The following RBM18 variants were observed in gnomAD, a reference collection of about 807,000 sequenced individuals.
The protein encoded by RBM18 is RNA binding motif protein 18.
A neutral mutation model predicts 26.4 loss-of-function variants in RBM18; 18 were observed. The ratio of observed to expected loss-of-function variants is 0.68; its 90% CI spans 0.47 to 1.01. The LOEUF is 1.01. RBM18 is among the 50% of genes least tolerant of loss of function. The pLI is 0.00. For missense variants in RBM18, 180 were observed against 219.2 expected (o/e 0.82, Z 1.13); for synonymous variants, 74 against 81.1 (o/e 0.91, Z 0.47).
chr9:122,248,933 G>A (rs573779963), intron 3 of RBM18, among the ~76,000 whole-genome samples: 1 of 152,260 alleles, frequency 6.6e-6, no homozygotes, highest in African/African-American at 2.4e-5. Context: ...TTCTCACTGT[G>A]TAGTAGGCAT....
intron 2 of RBM18, among the ~76,000 whole-genome samples, chr9:122,261,035 T>C (rs548270823): frequency 7.5e-4 from 114 of 152,186 alleles, no homozygotes; most frequent in Non-Finnish European, 1.3e-3. Flanking sequence ...CTTGTTCCTT[T>C]ATTCTGGGTA....
Position 122,258,673 on chromosome 9 carries a change from C to T in RBM18, c.113+2707G>A, listed in dbSNP as rs546964264. 3.9e-5 allele frequency among the ~76,000 whole-genome samples: 6 copies of T among 152,234 alleles called. No homozygotes were observed. The South Asian group carries it at 1.0e-3, about 26-fold the overall frequency. On this transcript the variant is annotated intron_variant, in intron 2 of 5. Coordinates refer to ENST00000417201, the MANE Select transcript of RBM18 (RefSeq NM_033117.4). ...TCCATAGGATGGCCAGGCATAGTGGCTCACGCCTGTAATCCCAACACTTTG... is the reference window on the plus strand; with the variant it reads ...TCCATAGGATGGCCAGGCATAGTGGTTCACGCCTGTAATCCCAACACTTTG...
chr9:122,240,445 G>A lies in RBM18; in HGVS notation c.*1439C>T, dbSNP rs143480948. On this transcript the variant is annotated 3_prime_UTR_variant, in exon 6 of 6. Transcript: ENST00000417201. ...ATGAATTCTAAAACCTCCCTCTACT[G>A]AAGTTTTGATTCAAATGTCTTAAAT... is the stretch of plus-strand genomic sequence containing the variant. The A allele has an allele frequency of 6.9e-4, 105 of 152,304 alleles. No individual in the cohort carries two copies. The highest frequency in any genetic ancestry group is 2.4e-3 in the African/African-American group (98 of 41,568). 9.4% of individuals were successfully genotyped at this position (152,304 alleles called of 1,614,324 possible). A position where few individuals can be genotyped will look rare whatever the true frequency, so the allele number is the denominator to read the frequency against.
At position 122,247,571 on chromosome 9, in the gene RBM18, T is replaced by C; in HGVS notation, c.274A>G (p.Lys92Glu). 6.2e-7 allele frequency: 1 copy of C among 1,614,014 alleles called. No individual in the cohort carries two copies. Among genetic ancestry groups the C allele is most frequent in the Non-Finnish European group, 8.5e-7 (1 of 1,180,006 alleles). ...ACCAGCTTCTTGGACAGGGCCAACT[T>C]GCCATTGAGACACTGGATGGCTTGC... is the stretch of plus-strand genomic sequence containing the variant. ...AEQAIQCLNG[K>E]LALSKKLVVR... Residue 92 changes from lysine to glutamate, a missense_variant, in exon 4 of 6, where the codon AAG becomes GAG. Lys to Glu is a moderately conservative substitution (Grantham distance 56). Coordinates refer to ENST00000417201, the MANE Select transcript of RBM18 (RefSeq NM_033117.4).
rs1212445260 is a variant in RBM18, at chr9:122,245,327, G to C, written c.342C>G (p.Asn114Lys). The C allele has an allele frequency of 6.2e-7, 1 of 1,605,544 alleles. No individual in the cohort carries two copies. Among genetic ancestry groups the C allele is most frequent in the South Asian group, 1.1e-5 (1 of 90,922 alleles). Residue 114 changes from asparagine (N) to lysine (K), a missense_variant, in exon 5 of 6, where the codon AAC becomes AAG. Physicochemically the swap from Asn to Lys is moderately conservative, Grantham distance 94. Coordinates refer to ENST00000417201, the MANE Select transcript of RBM18 (RefSeq NM_033117.4). ...TGATTGGAAGAATCTTATCATTCTT[G>C]TTATGATCATATCTCTGAAAATGAG... ...AHAQVKRYDH[N>K]KNDKILPISL...
chr9:122,247,690 T>C (rs1441830204), intron 3 of RBM18, 86 bp from the exon 4 acceptor site: 2 of 985,156 alleles, frequency 2.0e-6, no homozygotes, highest in Non-Finnish European at 1.6e-6. Context: ...CTAGCTTTGA[T>C]GGCTGAGTTT....
rs1167962513 is a variant in RBM18, at chr9:122,238,268, G to A, written c.*3616C>T. 1.3e-5 allele frequency: 2 copies of A among 152,196 alleles called. No individual in the cohort carries two copies. The highest frequency in any genetic ancestry group is 4.8e-5 in the African/African-American group (2 of 41,438). The allele number at this position is 152,196 out of a possible 1,614,324, so 9.4% of individuals were successfully genotyped here. On this transcript the variant is annotated 3_prime_UTR_variant, in exon 6 of 6. Transcript: ENST00000417201. ...ACAGCCATTGTTTTAAATGCTGAGG[G>A]TATAGCAGTGATATACAGTTCCTGC...
chr9:122,249,967 A>T (rs769290077), intron 3 of RBM18, among the ~76,000 whole-genome samples: 14 of 147,276 alleles, frequency 9.5e-5, no homozygotes, highest in Non-Finnish European at 1.9e-4. Flanking sequence ...GCTACTGCAG[A>T]GGCTGAGGTG....
chr9:122,245,288 G>A lies in RBM18; in HGVS notation c.381C>T (p.Ser127=). The A allele has an allele frequency of 6.2e-7, 1 of 1,610,072 alleles. No individual in the cohort carries two copies. The highest frequency in any genetic ancestry group is 1.1e-5 in the South Asian group (1 of 90,994). The change falls in exon 5 of 6, where the codon TCC becomes TCT. Residue 127 remains serine (S), a synonymous_variant. Transcript: ENST00000417201. ...TAGACTGAGTAGGCTCAGTGCTTGA[G>A]GATGGCTCGAGACTGATTGGAAGAA... ...DKILPISLEP[S]SSTEPTQSNL...
rs1831392502 is a variant in RBM18 at position 122,240,153 on chromosome 9, T to C, written c.*1731A>G. On this transcript the variant is annotated 3_prime_UTR_variant, in exon 6 of 6. Coordinates refer to ENST00000417201, the MANE Select transcript of RBM18 (RefSeq NM_033117.4). ...GTTTTTTCTAAGTTCCTATTAAAAA[T>C]AGAAGACTATTTTGCACTATGTAAG... 1 of 152,234 alleles carries C rather than the reference T, an allele frequency of 6.6e-6. No individual in the cohort carries two copies. Among genetic ancestry groups the C allele is most frequent in the African/African-American group, 2.4e-5 (1 of 41,460 alleles). The allele number at this position is 152,234 out of a possible 1,614,324, so 9.4% of individuals were successfully genotyped here.
chr9:122,239,466 C>T lies in RBM18; in HGVS notation c.*2418G>A, dbSNP rs1164582583. On this transcript the variant is annotated 3_prime_UTR_variant, in exon 6 of 6. Transcript: ENST00000417201. ...AGGAATTGAGATGAAGAAAATAGTTCATACGTCTCTCCTCAGTATTTCCTT... is the reference window on the plus strand; with the variant it reads ...AGGAATTGAGATGAAGAAAATAGTTTATACGTCTCTCCTCAGTATTTCCTT... 13 of 152,180 alleles carry T rather than the reference C, an allele frequency of 8.5e-5. 1 individual carries two copies. Among genetic ancestry groups the T allele is most frequent in the Non-Finnish European group, 1.9e-4 (13 of 68,036 alleles). 9.4% of individuals were successfully genotyped at this position (152,180 alleles called of 1,614,324 possible).
chr9:122,250,500 G>C (rs911938663), intron 3 of RBM18, among the ~76,000 whole-genome samples: 6 of 152,174 alleles, frequency 3.9e-5, no homozygotes, highest in African/African-American at 1.2e-4. Flanking sequence ...AAAATGATTA[G>C]TTTTTAAATG....
At chr9:122,249,433 C>A (rs1042255651) in intron 3 of RBM18, among the ~76,000 whole-genome samples, 1 of 152,180 alleles carries the variant, frequency 6.6e-6, no homozygotes, top group African/African-American at 2.4e-5. Context: ...AATTCCCAGG[C>A]CGGGCATGGT....
At chr9:122,244,716 T>TA (rs1181878237) in intron 5 of RBM18, among the ~76,000 whole-genome samples, 1 of 152,206 alleles carries the variant, frequency 6.6e-6, no homozygotes, top group Non-Finnish European at 1.5e-5. Flanking sequence ...ACCCACCTTC[T>TA]ACTTCTGCTC....
At chr9:122,244,880 T>C (rs948335443) in intron 5 of RBM18, among the ~76,000 whole-genome samples, 5 of 152,212 alleles carry the variant, frequency 3.3e-5, no homozygotes, top group Non-Finnish European at 1.5e-5. Flanking sequence ...AAATTTTGTA[T>C]AAGGGAACTT....
At chr9:122,251,470 CAGAT>C (rs1406371885) in intron 3 of RBM18, among the ~76,000 whole-genome samples, 2 of 152,186 alleles carry the variant, frequency 1.3e-5, no homozygotes, top group Non-Finnish European at 2.9e-5. Flanking sequence ...TGTCTCATCA[CAGAT>C]AGGTTTCTGT....
intron 3 of RBM18, among the ~76,000 whole-genome samples, chr9:122,250,056 C>A (rs1306563035): frequency 5.7e-4 from 10 of 17,506 alleles, no homozygotes; most frequent in South Asian, 2.4e-3. Flanking sequence ...GGTAACAGAG[C>A]AAGACCTTAT....
intron 3 of RBM18, 38 bp downstream of exon 3, chr9:122,251,809 T>C: frequency 3.8e-6 from 6 of 1,585,646 alleles, no homozygotes; most frequent in Non-Finnish European, 5.2e-6. Context: ...ATGACAGAGC[T>C]TGATAAATAT....
Position 122,247,608 on chromosome 9 carries a change from T to C in RBM18, c.241-4A>G, listed in dbSNP as rs1348494321. The C allele has an allele frequency of 6.2e-7, 1 of 1,612,866 alleles. No homozygotes were observed. The highest frequency in any genetic ancestry group is 1.7e-5 in the Admixed American group (1 of 60,004). ...ACTGGATGGCTTGCTCTGCTTCCTG[T>C]CCAGGAAAGGGACAAATGTTAGTTA... is the stretch of plus-strand genomic sequence containing the variant. On this transcript the variant is annotated splice_region_variant and splice_polypyrimidine_tract_variant and intron_variant, in intron 3 of 5. Transcript: ENST00000417201.
Sources: allele counts gnomAD v4.1 joint callset (sites outside exome capture counted in the v4.1 genomes callset), GRCh38; gene constraint gnomAD v4.1.1; transcripts MANE v1.5; gene names NCBI Gene and HGNC (gene_info 2026-07-23, HGNC 2026-07-21).